TAF6: variants seen among roughly 807,000 people sequenced by gnomAD.
The protein encoded by TAF6 is TATA-box binding protein associated factor 6.
A neutral mutation model predicts 73.5 loss-of-function variants in TAF6; 50 were observed. That is an observed-to-expected ratio of 0.68 (90% CI 0.54 to 0.86). The LOEUF is 0.86. Among genes scored for constraint, TAF6 ranks in the 40% least tolerant of loss-of-function variants. The probability of loss-of-function intolerance (pLI) is 0.00; values close to 1 mark genes in which losing one functional copy is unlikely to be tolerated. For synonymous variants in TAF6, 424 were observed against 376.7 expected (o/e 1.13, Z -1.45); for missense variants, 768 against 899.5 (o/e 0.85, Z 1.87).
chr7:100,113,845 C>A lies in TAF6; in HGVS notation c.243+23G>T, dbSNP rs368823730. 4.2e-5 allele frequency: 68 copies of A among 1,603,964 alleles called. 1 individual carries two copies. Among genetic ancestry groups the A allele is most frequent in the Admixed American group, 3.4e-4 (20 of 59,602 alleles). On this transcript the variant is annotated intron_variant, in intron 3 of 14. Coordinates refer to ENST00000453269, the MANE Select transcript of TAF6 (RefSeq NM_139315.3). ...GCTGAAGGATGGCGTCTCACCCCCC[C>A]CCCGCCTGTCTCCCCAAATCACCTC...
At chr7:100,124,577 C>T (rs1339220076), upstream of TAF6, 1 of 1,613,266 alleles carries the variant, frequency 6.2e-7, no homozygotes, top group Admixed American at 1.7e-5. Context: ...CCATCAGGAG[C>T]AGCCCCTACA....
At chr7:100,108,747 G>C (rs1210642172) in intron 12 of TAF6, 8 of 499,428 alleles carry the variant, frequency 1.6e-5, no homozygotes, top group African/African-American at 1.6e-4. Context: ...AAGAAAAGAT[G>C]GGCACGGGGC....
chr7:100,113,615 C>T lies in TAF6; in HGVS notation c.397+1G>A. ...GCCACCCTGCTCTCCCCTCCCCCAACCTTTGAGGCAGACGTCCAGGGGCAC... is the reference window on the plus strand; with the variant it reads ...GCCACCCTGCTCTCCCCTCCCCCAATCTTTGAGGCAGACGTCCAGGGGCAC... On this transcript the variant is annotated splice_donor_variant, in intron 4 of 14. Coordinates refer to ENST00000453269, the MANE Select transcript of TAF6 (RefSeq NM_139315.3). LOFTEE classifies it high-confidence loss of function. The T allele has an allele frequency of 6.2e-7, 1 of 1,613,988 alleles. No individual in the cohort carries two copies. Among genetic ancestry groups the T allele is most frequent in the South Asian group, 1.1e-5 (1 of 91,068 alleles).
At chr7:100,117,421 G>A (rs982795783) in intron 1 of TAF6, among the ~76,000 whole-genome samples, 1 of 151,564 alleles carries the variant, frequency 6.6e-6, no homozygotes, top group Non-Finnish European at 1.5e-5. Flanking sequence ...ACAGGCATGC[G>A]CCACCACACC....
At chr7:100,108,255 G>A (rs2116709905) in intron 13 of TAF6, 112 bp downstream of exon 13, 1 of 1,455,990 alleles carries the variant, frequency 6.9e-7, no homozygotes, top group Non-Finnish European at 9.1e-7. Context: ...CTCAGGGCCT[G>A]GTTGCCCTGA....
intron 1 of TAF6, among the ~76,000 whole-genome samples, chr7:100,117,836 A>C (rs1797794609): frequency 6.6e-6 from 1 of 151,260 alleles, no homozygotes; most frequent in African/African-American, 2.4e-5. Context: ...AGGTCAGGAG[A>C]TTGAGACCAT....
At position 100,109,937 on chromosome 7, in the gene TAF6, G is replaced by A. The variant is rs759769946; in HGVS notation, c.1284+11C>T. On this transcript the variant is annotated intron_variant, in intron 12 of 14. Transcript: ENST00000453269. ...TCAGTGGGCAGGTGTGGGGACAGGGGCTTCAGTCACCAGCAGGAGGCTCTG... is the reference window on the plus strand; with the variant it reads ...TCAGTGGGCAGGTGTGGGGACAGGGACTTCAGTCACCAGCAGGAGGCTCTG... 2.5e-5 allele frequency: 41 copies of A among 1,613,782 alleles called. 1 individual carries two copies. Among genetic ancestry groups the A allele is most frequent in the Non-Finnish European group, 3.2e-5 (38 of 1,179,930 alleles).
chr7:100,108,631 G>A, intron 12 of TAF6, 91 bp from the exon 13 acceptor site: 1 of 1,417,988 alleles, frequency 7.1e-7, no homozygotes, highest in East Asian at 2.3e-5. Flanking sequence ...GAAGAACCTT[G>A]GGGATGGGGT....
chr7:100,107,359 T>C lies in TAF6; in HGVS notation c.1921A>G (p.Ser641Gly), dbSNP rs1230699758. Reference sequence around the variant, plus strand: ...TCCTGCTTCCCCCCACAAAGGGCACTGCCGCTGAGTGGGGACGGGGACGAT... The same window carrying C: ...TCCTGCTTCCCCCCACAAAGGGCACCGCCGCTGAGTGGGGACGGGGACGAT... ...PASSPSPLSG[S>G]ALCGGKQEAG... Residue 641 changes from serine (S) to glycine (G), a missense_variant, in exon 15 of 15, where the codon AGT becomes GGT. This residue lies in a region of TAF6 where 350 missense variants were observed against 352.3 expected (regional missense o/e 0.99). Transcript: ENST00000453269. 12 of 1,567,352 alleles carry C rather than the reference T, an allele frequency of 7.7e-6. No homozygotes were observed. In the Admixed American group the frequency reaches 1.5e-4, roughly 19 times the overall value.
chr7:100,122,247 C>G, upstream of TAF6: 2 of 1,609,162 alleles, frequency 1.2e-6, no homozygotes, highest in South Asian at 1.1e-5. Flanking sequence ...GGACGTTTCT[C>G]CTCCCCACCA....
In TAF6 at chr7:100,116,710, T is replaced by C. The variant is rs79402581; in HGVS notation, c.-59-2442A>G. ...AATGTCCTACAAAGCCCTTCAAAAT[T>C]ACCTTCTCCCCATTATATCTCTGAA... On this transcript the variant is annotated intron_variant, in intron 1 of 14. Coordinates refer to ENST00000453269, the MANE Select transcript of TAF6 (RefSeq NM_139315.3). 4.0e-3 allele frequency: 613 copies of C among 152,242 alleles called. 14 individuals are homozygous for C. Among genetic ancestry groups the C allele is most frequent in the East Asian group, 0.036 (186 of 5,174 alleles). The allele number at this position is 152,242 out of a possible 1,614,324, so 9.4% of individuals were successfully genotyped here. A position where few individuals can be genotyped will look rare whatever the true frequency, so the allele number is the denominator to read the frequency against.
upstream of TAF6, among the ~76,000 whole-genome samples, chr7:100,123,273 T>A (rs1584588636): frequency 3.3e-5 from 5 of 150,100 alleles, no homozygotes. Context: ...ATCCAGGAGG[T>A]GGAGGTTGCC....
intron 13 of TAF6, 50 bp downstream of exon 13, chr7:100,108,317 G>T: frequency 6.4e-7 from 1 of 1,551,962 alleles, no homozygotes. Flanking sequence ...GTCCCACACA[G>T]GGGTTCTCCT....
chr7:100,111,091 G>C, intron 10 of TAF6, 48 bp downstream of exon 10: 2 of 1,590,644 alleles, frequency 1.3e-6, no homozygotes, highest in East Asian at 2.2e-5. Flanking sequence ...CCCCCAACCA[G>C]AGGTGGCCAG....
At chr7:100,117,514 C>T (rs1381276986) in intron 1 of TAF6, among the ~76,000 whole-genome samples, 2 of 151,694 alleles carry the variant, frequency 1.3e-5, no homozygotes, top group Admixed American at 1.3e-4. Flanking sequence ...TCAGGTGTTC[C>T]ACCCACCCTG....
intron 14 of TAF6, 24 bp from the exon 15 acceptor site, chr7:100,107,647 C>G (rs370784606): frequency 6.2e-7 from 1 of 1,605,360 alleles, no homozygotes; most frequent in South Asian, 1.1e-5. Flanking sequence ...AAAGGCAGGC[C>G]GCTTGCCCTG....
chr7:100,127,155 G>C, the TAF6 span: 1 of 518,436 alleles, frequency 1.9e-6, no homozygotes, highest in Admixed American at 3.7e-5. The surrounding 1 kb of genome is among the most constrained non-coding windows in gnomAD (Gnocchi z 4.6). Context: ...GAACGGAATG[G>C]GGCGGGGGCC....
the TAF6 span, chr7:100,125,383 C>G: frequency 6.4e-6 from 1 of 156,298 alleles, no homozygotes; most frequent in Non-Finnish European, 1.4e-5. Context: ...CCTGGAGTTG[C>G]TGATAATTTA....
chr7:100,124,035 G>A (rs1798152024), upstream of TAF6, among the ~76,000 whole-genome samples: 2 of 151,938 alleles, frequency 1.3e-5, no homozygotes, highest in South Asian at 2.1e-4. Flanking sequence ...TACTCAGGAA[G>A]CTGAGGCAGG....
Sources: gnomAD v4.1 joint callset for allele counts (sites outside exome capture counted in the v4.1 genomes callset) on GRCh38, gnomAD v4.1.1 for gene constraint, gnomAD v4.1.1 regional missense constraint, Gnocchi (gnomAD v3.1) non-coding constraint, MANE v1.5 for transcripts, NCBI Gene and HGNC (gene_info 2026-07-23, HGNC 2026-07-21) for gene names.